Variants in ACOXL observed in about 807,000 individuals in gnomAD.
ACOXL encodes acyl-CoA oxidase like, also known as acyl-coenzyme A oxidase-like protein.
A neutral mutation model predicts 71.9 loss-of-function variants in ACOXL; 70 were observed. The ratio of observed to expected loss-of-function variants is 0.97; its 90% CI spans 0.80 to 1.19. The LOEUF is 1.19. Among genes scored for constraint, ACOXL ranks in the 50% most tolerant of loss-of-function variants. ACOXL has a pLI of 0.00. For missense variants in ACOXL, 703 were observed against 736.3 expected, an observed-to-expected ratio of 0.95 and a Z score of 0.52; for synonymous variants, 253 against 281.6, an observed-to-expected ratio of 0.90 and a Z score of 1.02.
chr2:110,814,715 G>T (rs1687722079), intron 9 of ACOXL, among the ~76,000 whole-genome samples: 1 of 152,052 alleles, frequency 6.6e-6, no homozygotes, highest in Non-Finnish European at 1.5e-5. Context: ...TAGTATATGA[G>T]GATCATATTT....
intron 15 of ACOXL, among the ~76,000 whole-genome samples, chr2:111,038,164 T>A (rs2149781431): frequency 6.6e-6 from 1 of 152,280 alleles, no homozygotes; most frequent in East Asian, 1.9e-4. Context: ...AAGGAACCAC[T>A]GCCTTCTCAA....
At chr2:111,088,087 A>G (rs12998995) in intron 16 of ACOXL, among the ~76,000 whole-genome samples, 12,645 of 152,268 alleles carry the variant, frequency 0.083, 637 homozygotes, top group Non-Finnish European at 0.11. Flanking sequence ...AAAAACCACA[A>G]TAAGATACCA....
intron 12 of ACOXL, among the ~76,000 whole-genome samples, chr2:110,963,447 T>TA (rs1249464255): frequency 3.9e-5 from 6 of 152,212 alleles, no homozygotes. Flanking sequence ...TCAAAATTCT[T>TA]ACAGTGGTTA....
At chr2:110,969,158 G>A (rs182809816) in intron 12 of ACOXL, among the ~76,000 whole-genome samples, 94 of 152,272 alleles carry the variant, frequency 6.2e-4, no homozygotes, top group African/African-American at 2.1e-3. Flanking sequence ...AAACGTATGG[G>A]AGGCAGATAA....
At chr2:110,918,894 C>T (rs2059961540) in intron 11 of ACOXL, among the ~76,000 whole-genome samples, 1 of 152,172 alleles carries the variant, frequency 6.6e-6, no homozygotes, top group Admixed American at 6.5e-5. Flanking sequence ...ATTAAAATGT[C>T]AGAAAACAAC....
chr2:110,878,789 G>A (rs550679271), intron 10 of ACOXL, among the ~76,000 whole-genome samples: 1 of 150,936 alleles, frequency 6.6e-6, no homozygotes, highest in East Asian at 2.0e-4. Context: ...GGCTGGCACG[G>A]TGGCTCACAC....
At chr2:110,801,140 C>G (rs1685940925) in intron 7 of ACOXL, among the ~76,000 whole-genome samples, 1 of 152,178 alleles carries the variant, frequency 6.6e-6, no homozygotes, top group African/African-American at 2.4e-5. Flanking sequence ...GCACTGCTTC[C>G]CCCACTTCCT....
intron 14 of ACOXL, among the ~76,000 whole-genome samples, chr2:111,002,863 A>G (rs185214354): frequency 3.9e-5 from 6 of 152,306 alleles, no homozygotes; most frequent in African/African-American, 1.2e-4. Context: ...GAGCATCTCA[A>G]ATCTGAAAAT....
chr2:110,935,473 G>A (rs2060626134), intron 12 of ACOXL, among the ~76,000 whole-genome samples: 1 of 152,132 alleles, frequency 6.6e-6, no homozygotes, highest in Non-Finnish European at 1.5e-5. Flanking sequence ...GTGCCACCCG[G>A]AACAACCGCC....
intron 10 of ACOXL, among the ~76,000 whole-genome samples, chr2:110,896,263 G>T (rs1292441237): frequency 6.6e-6 from 1 of 152,050 alleles, no homozygotes; most frequent in African/African-American, 2.4e-5. Context: ...CACTATAGGT[G>T]CATCAAAATG....
intron 12 of ACOXL, among the ~76,000 whole-genome samples, chr2:110,937,445 T>C (rs763518329): frequency 5.3e-5 from 8 of 152,176 alleles, no homozygotes; most frequent in Non-Finnish European, 5.9e-5. Flanking sequence ...TGAAACACGA[T>C]GTACATTTCT....
intron 12 of ACOXL, among the ~76,000 whole-genome samples, chr2:110,944,064 T>C (rs1400144939): frequency 6.6e-6 from 1 of 152,164 alleles, no homozygotes; most frequent in Non-Finnish European, 1.5e-5. Context: ...TTTTTATTTT[T>C]ATTTTTATTT....
chr2:111,026,415 TATA>T lies in ACOXL; in HGVS notation c.1282-5211_1282-5209del, dbSNP rs749243060. On this transcript the variant is annotated intron_variant, in intron 14 of 17. Coordinates refer to ENST00000439055, the MANE Select transcript of ACOXL (RefSeq NM_001142807.4). ...AGTTCTCTGACCTATGAACACAATG[TATA>T]GTTCTCCGTTTTTTTAAGTGGTCTT... Among the ~76,000 whole-genome samples the T allele has an allele frequency of 9.9e-5, 15 of 152,054 alleles. No homozygotes were observed. The South Asian group carries it at 1.0e-3, about 10-fold the overall frequency.
chr2:111,070,943 G>A (rs1325277567), intron 16 of ACOXL, among the ~76,000 whole-genome samples: 1 of 152,080 alleles, frequency 6.6e-6, no homozygotes, highest in African/African-American at 2.4e-5. Context: ...CCAACCTCAG[G>A]AAGAGAAATA....
chr2:110,873,589 A>G (rs753044878), intron 10 of ACOXL, among the ~76,000 whole-genome samples: 30 of 152,146 alleles, frequency 2.0e-4, no homozygotes, highest in Non-Finnish European at 3.7e-4. Context: ...AATTTGCCCC[A>G]GGTGCCTCCT....
At chr2:110,799,327 C>T (rs2105315282) in intron 7 of ACOXL, among the ~76,000 whole-genome samples, 1 of 152,312 alleles carries the variant, frequency 6.6e-6, no homozygotes, top group Admixed American at 6.5e-5. Context: ...TTTCTTCCAG[C>T]TTCTCAAATT....
chr2:110,818,419 A>ATGTGTGTGTG lies in ACOXL; in HGVS notation c.753+13025_753+13026insGTGTGTGTGT, dbSNP rs1485183767. 2.6e-3 allele frequency among the ~76,000 whole-genome samples: 374 copies of ATGTGTGTGTG among 141,714 alleles called. 1 individual carries two copies. Among genetic ancestry groups the ATGTGTGTGTG allele is most frequent in the African/African-American group, 9.5e-3 (351 of 37,136 alleles). 93.0% of individuals were successfully genotyped at this position (141,714 alleles called of 152,430 possible). A position where few individuals can be genotyped will look rare whatever the true frequency, so the allele number is the denominator to read the frequency against. On this transcript the variant is annotated intron_variant, in intron 9 of 17. Coordinates refer to ENST00000439055, the MANE Select transcript of ACOXL (RefSeq NM_001142807.4). The stretch of plus-strand genomic sequence containing the variant: ...AAAAAAAAAAAAAAAACATATATAT[A>ATGTGTGTGTG]TATATGTGTGTGTGTGTGTGTGTGT...
chr2:110,909,180 A>C (rs13027035), intron 11 of ACOXL, among the ~76,000 whole-genome samples: 8 of 152,212 alleles, frequency 5.3e-5, no homozygotes, highest in African/African-American at 1.9e-4. Flanking sequence ...TTGAGAAGGC[A>C]GGAGCCAATG....
chr2:110,793,447 C>T (rs534809099), intron 3 of ACOXL, among the ~76,000 whole-genome samples: 55 of 152,214 alleles, frequency 3.6e-4, no homozygotes, highest in South Asian at 2.9e-3. Context: ...CAGTCCTGAG[C>T]GACTCATGAG....
Sources: allele counts gnomAD v4.1 joint callset (sites outside exome capture counted in the v4.1 genomes callset), GRCh38; gene constraint gnomAD v4.1.1; transcripts MANE v1.5; gene names NCBI Gene and HGNC (gene_info 2026-07-23, HGNC 2026-07-21).